The following CAST variants were observed in gnomAD, a reference collection of about 807,000 sequenced individuals.
The protein encoded by CAST is MIR583 host.
In CAST, 76 loss-of-function variants were observed where a neutral mutation model predicts 119.6. That is an observed-to-expected ratio of 0.64 (90% CI 0.53 to 0.77). CAST has a LOEUF of 0.77. Ranked by LOEUF, CAST falls within the 30% of genes least tolerant of loss-of-function variation. The pLI is 0.00. For synonymous variants in CAST, 319 were observed against 331.6 expected, an observed-to-expected ratio of 0.96 and a Z score of 0.41; for missense variants, 953 against 946.5, an observed-to-expected ratio of 1.01 and a Z score of -0.09.
chr5:96,248,535 A>G, the CAST span, among the ~76,000 whole-genome samples: 1 of 152,234 alleles, frequency 6.6e-6, no homozygotes, highest in Non-Finnish European at 1.5e-5. Context: ...GCAAGATGGG[A>G]TAAAACTCCA....
chr5:96,737,322 C>A (rs12520836), intron 10 of CAST, among the ~76,000 whole-genome samples: 9,016 of 150,012 alleles, frequency 0.06, 537 homozygotes, highest in East Asian at 0.2. Flanking sequence ...TGAACAACAA[C>A]AAAAAAAAAC....
At chr5:96,142,329 G>T in the CAST span, among the ~76,000 whole-genome samples, 2 of 152,304 alleles carry the variant, frequency 1.3e-5, no homozygotes, top group African/African-American at 4.8e-5. Flanking sequence ...CAAGAGCATT[G>T]CTTGAACCTG....
intron 1 of CAST, among the ~76,000 whole-genome samples, chr5:96,646,370 A>G (rs1441791724): frequency 6.6e-6 from 1 of 152,236 alleles, no homozygotes; most frequent in Non-Finnish European, 1.5e-5. Flanking sequence ...AAACCAGCTA[A>G]GTGGCTACCA....
chr5:96,102,553 G>A, the CAST span, among the ~76,000 whole-genome samples: 5 of 152,154 alleles, frequency 3.3e-5, no homozygotes, highest in Non-Finnish European at 4.4e-5. Context: ...ACTTTGGGCC[G>A]TGGGTTTCAG....
At position 96,754,658 on chromosome 5, in the gene CAST, G is replaced by A. The variant is rs377763424; in HGVS notation, c.1627G>A (p.Glu543Lys). The A allele has an allele frequency of 1.3e-6, 2 of 1,585,490 alleles. No homozygotes were observed. Among genetic ancestry groups the A allele is most frequent in the East Asian group, 2.2e-5 (1 of 44,724 alleles). ...DGKPVMDKVK[E>K]KAKEEDREKL... ...ATGAAAATGGTATAATTTTTCTCAG[G>A]AGAAGGCCAAAGAAGAAGACCGTGA... Residue 543 changes from glutamate (E) to lysine (K), a missense_variant and splice_region_variant, in exon 22 of 32, where the codon GAG becomes AAG. Transcript: ENST00000675179.
the CAST span, among the ~76,000 whole-genome samples, chr5:96,171,217 C>T: frequency 6.6e-6 from 1 of 152,162 alleles, no homozygotes; most frequent in Non-Finnish European, 1.5e-5. Flanking sequence ...ATCGAAAGTG[C>T]CATTTTCTGG....
At chr5:96,022,874 A>G in the CAST span, among the ~76,000 whole-genome samples, 10 of 152,116 alleles carry the variant, frequency 6.6e-5, no homozygotes, top group African/African-American at 2.4e-4. Context: ...AAGACCTTCA[A>G]CTGATTGGAT....
the CAST span, among the ~76,000 whole-genome samples, chr5:96,433,673 C>A: frequency 6.6e-6 from 1 of 152,102 alleles, no homozygotes; most frequent in African/African-American, 2.4e-5. Flanking sequence ...AAGAACAAGG[C>A]TCTTAGGTCT....
the CAST span, among the ~76,000 whole-genome samples, chr5:96,229,010 G>A: frequency 3.3e-3 from 498 of 151,750 alleles, 1 homozygote; most frequent in African/African-American, 0.011. Flanking sequence ...TCTACCTTTA[G>A]AATAACGATT....
chr5:96,120,999 C>G, the CAST span, among the ~76,000 whole-genome samples: 1 of 151,990 alleles, frequency 6.6e-6, no homozygotes, highest in Non-Finnish European at 1.5e-5. Context: ...TCCTAGCCAC[C>G]TTGTTTAAAA....
chr5:96,169,240 G>T, the CAST span, among the ~76,000 whole-genome samples: 2 of 152,150 alleles, frequency 1.3e-5, no homozygotes, highest in South Asian at 2.1e-4. Flanking sequence ...GATAATGGGG[G>T]CTGTCTGTGA....
chr5:96,308,030 A>G, the CAST span, among the ~76,000 whole-genome samples: 1 of 152,156 alleles, frequency 6.6e-6, no homozygotes, highest in African/African-American at 2.4e-5. Flanking sequence ...TCTCCTGGAT[A>G]ATATCCTGCA....
intron 1 of CAST, among the ~76,000 whole-genome samples, chr5:96,536,709 G>A (rs1745822745): frequency 6.6e-6 from 1 of 152,128 alleles, no homozygotes; most frequent in Non-Finnish European, 1.5e-5. Context: ...TTAAATCTGT[G>A]CATTATGACA....
the CAST span, among the ~76,000 whole-genome samples, chr5:96,439,781 C>T: frequency 6.6e-6 from 1 of 152,120 alleles, no homozygotes; most frequent in South Asian, 2.1e-4. Context: ...CACCTCCCTC[C>T]AGTGAACACA....
At chr5:96,739,640 A>G (rs1762308426) in intron 11 of CAST, among the ~76,000 whole-genome samples, 2 of 152,238 alleles carry the variant, frequency 1.3e-5, no homozygotes, top group South Asian at 4.1e-4. Flanking sequence ...AATGCTAAAC[A>G]GGAGACATCC....
the CAST span, among the ~76,000 whole-genome samples, chr5:96,373,297 G>A: frequency 5.9e-5 from 9 of 152,210 alleles, no homozygotes; most frequent in Non-Finnish European, 8.8e-5. Context: ...CCAAGGGATT[G>A]TTTATAATGG....
At chr5:96,112,915 G>A in the CAST span, among the ~76,000 whole-genome samples, 1 of 152,182 alleles carries the variant, frequency 6.6e-6, no homozygotes, top group Non-Finnish European at 1.5e-5. Flanking sequence ...GATGGAGAGA[G>A]ATAATATCAT....
chr5:96,256,243 C>T, the CAST span, among the ~76,000 whole-genome samples: 1 of 147,312 alleles, frequency 6.8e-6, no homozygotes, highest in African/African-American at 2.5e-5. Context: ...ATAATTTATA[C>T]AGTATTTATG....
the CAST span, among the ~76,000 whole-genome samples, chr5:96,265,803 G>T: frequency 3.3e-5 from 5 of 151,952 alleles, no homozygotes; most frequent in African/African-American, 1.2e-4. Context: ...TTGAAAACCC[G>T]TCTTGTTTGT....
Sources: gnomAD v4.1 joint callset for allele counts (sites outside exome capture counted in the v4.1 genomes callset) on GRCh38, gnomAD v4.1.1 for gene constraint, MANE v1.5 for transcripts, NCBI Gene and HGNC (gene_info 2026-07-23, HGNC 2026-07-21) for gene names.